The following PCDH9 variants were observed in gnomAD, a reference collection of about 807,000 sequenced individuals.
The protein encoded by PCDH9 is protocadherin 9, also known as protocadherin-9.
Under a neutral mutation model 70.6 loss-of-function variants are expected in PCDH9, and 24 were observed. The observed-to-expected ratio is 0.34, with a 90% CI of 0.25 to 0.48. The LOEUF (loss-of-function observed/expected upper bound fraction) is 0.48, where lower values mean the gene tolerates loss of function less well. Among genes scored for constraint, PCDH9 ranks in the 20% least tolerant of loss-of-function variants. The probability of loss-of-function intolerance (pLI) is 0.99; values close to 1 mark genes in which losing one functional copy is unlikely to be tolerated. For missense variants in PCDH9, 1,281 were observed against 1,503.6 expected (o/e 0.85, Z 2.45); for synonymous variants, 562 against 558.5 (o/e 1.01, Z -0.09).
intron 3 of PCDH9, among the ~76,000 whole-genome samples, chr13:66,708,988 A>G (rs2078755624): frequency 6.6e-6 from 1 of 152,210 alleles, no homozygotes. Context: ...ACCATTTCCA[A>G]GTAAGCCCTC....
chr13:66,863,936 G>A (rs951073482), intron 3 of PCDH9, among the ~76,000 whole-genome samples: 1 of 152,100 alleles, frequency 6.6e-6, no homozygotes, highest in Non-Finnish European at 1.5e-5. Context: ...GGCTTGGGAA[G>A]CCTCAGGAAA....
chr13:66,569,988 A>C (rs1462864831), intron 4 of PCDH9, among the ~76,000 whole-genome samples: 1 of 152,194 alleles, frequency 6.6e-6, no homozygotes, highest in Non-Finnish European at 1.5e-5. Flanking sequence ...CTTTATTCCT[A>C]ATAGGCAAAA....
chr13:66,434,299 T>C (rs946852159), intron 4 of PCDH9, among the ~76,000 whole-genome samples: 1 of 151,948 alleles, frequency 6.6e-6, no homozygotes, highest in Non-Finnish European at 1.5e-5. Context: ...GGACCTGGGT[T>C]TTATGTAGGA....
intron 4 of PCDH9, among the ~76,000 whole-genome samples, chr13:66,397,478 G>GTA (rs142645344): frequency 0.92 from 136,621 of 147,730 alleles, 63,529 homozygotes; most frequent in Non-Finnish European, 0.97. Flanking sequence ...GTGTGTGTGT[G>GTA]TATATATATA....
At chr13:67,189,804 A>C (rs2088861201) in intron 2 of PCDH9, among the ~76,000 whole-genome samples, 3 of 152,002 alleles carry the variant, frequency 2.0e-5, no homozygotes, top group Non-Finnish European at 4.4e-5. Flanking sequence ...AGATAGAGAG[A>C]AAACTTAGCA....
intron 2 of PCDH9, among the ~76,000 whole-genome samples, chr13:67,185,914 T>C (rs2088746550): frequency 6.6e-6 from 1 of 152,112 alleles, no homozygotes; most frequent in African/African-American, 2.4e-5. Flanking sequence ...GTATTTTTAG[T>C]AGAGACAGGG....
intron 3 of PCDH9, among the ~76,000 whole-genome samples, chr13:66,773,974 C>A (rs977703579): frequency 7.2e-5 from 11 of 152,076 alleles, no homozygotes; most frequent in African/African-American, 2.6e-4. Context: ...GACGGAGTTT[C>A]ACCATGTTGG....
chr13:66,890,737 AT>A (rs2082083300), intron 3 of PCDH9, among the ~76,000 whole-genome samples: 1 of 151,390 alleles, frequency 6.6e-6, no homozygotes, highest in African/African-American at 2.4e-5. Context: ...AGCCTCCAAT[AT>A]TTTTCCACTA....
intron 3 of PCDH9, among the ~76,000 whole-genome samples, chr13:66,693,371 G>C (rs1181460682): frequency 6.6e-6 from 1 of 151,848 alleles, no homozygotes; most frequent in Admixed American, 6.6e-5. Flanking sequence ...AAAACACTTT[G>C]ATCTAAGATA....
chr13:67,074,979 A>G (rs1036077610), intron 2 of PCDH9, among the ~76,000 whole-genome samples: 4 of 150,442 alleles, frequency 2.7e-5, no homozygotes, highest in Admixed American at 6.6e-5. Flanking sequence ...AAGTTTAGAC[A>G]TTTTTTTTTA....
intron 4 of PCDH9, among the ~76,000 whole-genome samples, chr13:66,317,489 G>T (rs1009436847): frequency 6.6e-6 from 1 of 152,136 alleles, no homozygotes; most frequent in South Asian, 2.1e-4. Context: ...ATTCCCCAAA[G>T]TAAAATATAA....
At chr13:66,781,609 T>G (rs1349700677) in intron 3 of PCDH9, among the ~76,000 whole-genome samples, 1 of 152,200 alleles carries the variant, frequency 6.6e-6, no homozygotes, top group Non-Finnish European at 1.5e-5. Context: ...CACATTAGGC[T>G]TATATGATCT....
chr13:67,025,149 G>T (rs1342943810), intron 2 of PCDH9, among the ~76,000 whole-genome samples: 1 of 152,056 alleles, frequency 6.6e-6, no homozygotes, highest in Non-Finnish European at 1.5e-5. Context: ...ACAAACACTA[G>T]GGAAGAAGAA....
intron 2 of PCDH9, among the ~76,000 whole-genome samples, chr13:66,992,041 G>A (rs1330835627): frequency 3.3e-5 from 5 of 151,974 alleles, no homozygotes; most frequent in Admixed American, 1.3e-4. Flanking sequence ...TTTGTCTAAT[G>A]TTACAATGAA....
In PCDH9 at chr13:66,738,592, GA is replaced by G. The variant is rs946667558; in HGVS notation, c.3139-107182del. On this transcript the variant is annotated intron_variant, in intron 3 of 4. Transcript: ENST00000377865. The stretch of plus-strand genomic sequence containing the variant: ...GAAAGGCAAAGAAGTTGAAAACTTT[GA>G]AAAAAATTTAGAAGAATGTATAACT... Among the ~76,000 whole-genome samples, 13 of 132,694 alleles carry G rather than the reference GA, an allele frequency of 9.8e-5. No individual in the cohort carries two copies. The East Asian group carries it at 1.7e-3, about 17-fold the overall frequency. The allele number at this position is 132,694 out of a possible 152,430, so 87.1% of individuals were successfully genotyped here.
chr13:66,462,300 GA>G (rs1958438581), intron 4 of PCDH9, among the ~76,000 whole-genome samples: 1 of 151,858 alleles, frequency 6.6e-6, no homozygotes, highest in African/African-American at 2.4e-5. Context: ...AAACTGAAAA[GA>G]AGAGTTAATG....
intron 3 of PCDH9, among the ~76,000 whole-genome samples, chr13:66,667,668 C>A (rs1200294310): frequency 6.6e-6 from 1 of 152,068 alleles, no homozygotes; most frequent in Non-Finnish European, 1.5e-5. Flanking sequence ...CATATTTGAA[C>A]TTGATCTTTT....
intron 3 of PCDH9, among the ~76,000 whole-genome samples, chr13:66,777,497 A>G (rs1322903914): frequency 6.6e-6 from 1 of 152,236 alleles, no homozygotes; most frequent in Non-Finnish European, 1.5e-5. Context: ...TCTCAAAAGA[A>G]GACATTTATG....
chr13:66,400,463 T>C lies in PCDH9; in HGVS notation c.3341-95435A>G, dbSNP rs1253180760. On this transcript the variant is annotated intron_variant, in intron 4 of 4. Coordinates refer to ENST00000377865, the MANE Select transcript of PCDH9 (RefSeq NM_203487.3). ...AAAATATATCATCATCAGTTACCCA[T>C]AGTTAGAAATTTCTCTCCAATTATA... Among the ~76,000 whole-genome samples, 5 of 152,186 alleles carry C rather than the reference T, an allele frequency of 3.3e-5. No individual in the cohort carries two copies. The South Asian group carries it at 6.2e-4, about 19-fold the overall frequency.
Sources: allele counts gnomAD v4.1 joint callset (sites outside exome capture counted in the v4.1 genomes callset), GRCh38; gene constraint gnomAD v4.1.1; transcripts MANE v1.5; gene names NCBI Gene and HGNC (gene_info 2026-07-23, HGNC 2026-07-21).